Variants in GALNT2 observed in about 807,000 individuals in gnomAD.
GALNT2 encodes the protein polypeptide N-acetylgalactosaminyltransferase 2.
A neutral mutation model predicts 81.4 loss-of-function variants in GALNT2; 31 were observed. That is an observed-to-expected ratio of 0.38 (90% CI 0.29 to 0.51). The LOEUF is 0.51. Among genes scored for constraint, GALNT2 ranks in the 20% least tolerant of loss-of-function variants. GALNT2 has a pLI of 0.87. For synonymous variants in GALNT2, 303 were observed against 287.4 expected, an observed-to-expected ratio of 1.05 and a Z score of -0.55; for missense variants, 629 against 765.7, an observed-to-expected ratio of 0.82 and a Z score of 2.11.
intron 1 of GALNT2, among the ~76,000 whole-genome samples, chr1:230,093,676 C>T (rs750810837): frequency 4.6e-5 from 7 of 152,220 alleles, no homozygotes; most frequent in Non-Finnish European, 7.3e-5. Flanking sequence ...AATGACAGAT[C>T]GAATACCCAA....
At chr1:230,187,103 C>T (rs1255908333) in intron 2 of GALNT2, among the ~76,000 whole-genome samples, 1 of 152,014 alleles carries the variant, frequency 6.6e-6, no homozygotes, top group African/African-American at 2.4e-5. Flanking sequence ...GACAGATGGG[C>T]GGGAAGACAT....
intron 1 of GALNT2, among the ~76,000 whole-genome samples, chr1:230,136,345 T>G (rs1661537675): frequency 6.6e-6 from 1 of 152,188 alleles, no homozygotes; most frequent in South Asian, 2.1e-4. Flanking sequence ...CCAGCCATCC[T>G]CTGATAACCC....
intron 2 of GALNT2, among the ~76,000 whole-genome samples, chr1:230,190,690 A>G (rs1171152434): frequency 6.6e-6 from 1 of 152,134 alleles, no homozygotes; most frequent in African/African-American, 2.4e-5. Context: ...GCAGTTCCCT[A>G]CCATCTGCTT....
intron 10 of GALNT2, 126 bp downstream of exon 10, chr1:230,250,686 A>G (rs1572138190): frequency 3.2e-6 from 2 of 626,966 alleles, no homozygotes; most frequent in East Asian, 5.6e-5. Context: ...CGATCCTTGC[A>G]AACACATATG....
chr1:230,075,565 C>T (rs1398132740), intron 1 of GALNT2, among the ~76,000 whole-genome samples: 1 of 152,200 alleles, frequency 6.6e-6, no homozygotes, highest in Non-Finnish European at 1.5e-5. Context: ...TTCATTTATT[C>T]TTTCAGTGAG....
rs559385746 is a variant in GALNT2, at chr1:230,187,959, C to T, written c.220+9648C>T. 5.4e-5 allele frequency among the ~76,000 whole-genome samples: 6 copies of T among 112,138 alleles called. No homozygotes were observed. In the South Asian group the frequency reaches 9.0e-4, roughly 17 times the overall value. The allele number at this position is 112,138 out of a possible 152,430, so 73.6% of individuals were successfully genotyped here. On this transcript the variant is annotated intron_variant, in intron 2 of 15. Transcript: ENST00000366672. ...GTACAAGATGGAGGGTGGGGCGGGC[C>T]GGGGTGGTTTTGGAAAAGGCAACAT...
intron 14 of GALNT2, among the ~76,000 whole-genome samples, chr1:230,265,792 C>T (rs766783499): frequency 2.6e-5 from 4 of 152,228 alleles, no homozygotes; most frequent in Non-Finnish European, 5.9e-5. Context: ...GGCACTAAGG[C>T]GGCTGCTAGT....
intron 1 of GALNT2, among the ~76,000 whole-genome samples, chr1:230,140,299 T>C (rs942435329): frequency 2.0e-4 from 31 of 152,138 alleles, no homozygotes; most frequent in Admixed American, 7.2e-4. Flanking sequence ...CTGCCAGTAG[T>C]GTGTACACAG....
chr1:230,250,594 G>C, intron 10 of GALNT2, 34 bp downstream of exon 10: 2 of 1,532,798 alleles, frequency 1.3e-6, no homozygotes, highest in Non-Finnish European at 1.8e-6. Flanking sequence ...GGACAGAGAA[G>C]TGCCTCAGCT....
At position 230,275,113 on chromosome 1, in the gene GALNT2, T is replaced by C. The variant is rs538004609; in HGVS notation, c.1560+549T>C. Among the ~76,000 whole-genome samples, 40 of 139,374 alleles carry C rather than the reference T, an allele frequency of 2.9e-4. 1 individual carries two copies. Among genetic ancestry groups the C allele is most frequent in the African/African-American group, 1.3e-3 (40 of 30,532 alleles). 91.4% of individuals were successfully genotyped at this position (139,374 alleles called of 152,430 possible). On this transcript the variant is annotated intron_variant, in intron 15 of 15. Transcript: ENST00000366672. The surrounding 1 kb of genome is among the most constrained non-coding windows in gnomAD (Gnocchi z 5.5). ...TATATACATGTATACACACCACATA[T>C]ATATACATATATATACACACCACAT...
intron 7 of GALNT2, 55 bp from the exon 8 acceptor site, chr1:230,246,008 G>A (rs768508884): frequency 2.1e-6 from 3 of 1,432,422 alleles, no homozygotes; most frequent in Non-Finnish European, 3.0e-6. Flanking sequence ...CTGTGGTTGG[G>A]CAGGTTTTTT....
intron 3 of GALNT2, among the ~76,000 whole-genome samples, chr1:230,232,307 C>G (rs955547899): frequency 4.6e-5 from 7 of 152,012 alleles, no homozygotes; most frequent in African/African-American, 1.7e-4. Flanking sequence ...CAGTTCTCAG[C>G]AAAAATGGAT....
At chr1:230,060,905 C>G (rs1659031247) in intron 1 of GALNT2, among the ~76,000 whole-genome samples, 1 of 152,140 alleles carries the variant, frequency 6.6e-6, no homozygotes, top group African/African-American at 2.4e-5. Flanking sequence ...ATTGTGCTCT[C>G]TCTCTCCTCT....
chr1:230,199,471 A>T (rs1035833073), intron 2 of GALNT2, among the ~76,000 whole-genome samples: 5 of 152,228 alleles, frequency 3.3e-5, no homozygotes, highest in African/African-American at 9.6e-5. Flanking sequence ...TGGTGAAGCC[A>T]GTTTCGAGAG....
In GALNT2 at chr1:230,173,084, C is replaced by T. The variant is rs1662846196; in HGVS notation, c.127-5134C>T. Among the ~76,000 whole-genome samples the T allele has an allele frequency of 3.3e-5, 5 of 152,182 alleles. No homozygotes were observed. In the South Asian group the frequency reaches 1.0e-3, roughly 32 times the overall value. ...GGTTTTAGGATACATAATTTTGAAC[C>T]AGATTAAAATGTCTAATAACAATAA... On this transcript the variant is annotated intron_variant, in intron 1 of 15. Transcript: ENST00000366672.
chr1:230,209,366 A>ACCCCAT (rs1664162895), intron 3 of GALNT2, among the ~76,000 whole-genome samples: 1 of 152,036 alleles, frequency 6.6e-6, no homozygotes, highest in African/African-American at 2.4e-5. Context: ...GCCCTGATCC[A>ACCCCAT]CCTGTCCTAC....
intron 3 of GALNT2, among the ~76,000 whole-genome samples, chr1:230,218,545 G>A (rs530008390): frequency 1.3e-5 from 2 of 152,288 alleles, no homozygotes; most frequent in Non-Finnish European, 2.9e-5. Flanking sequence ...AGTACTAAAC[G>A]AATACTAGCT....
chr1:230,068,074 C>T (rs1659256320), intron 1 of GALNT2, among the ~76,000 whole-genome samples: 1 of 152,224 alleles, frequency 6.6e-6, no homozygotes, highest in East Asian at 1.9e-4. Context: ...CTGCCCAACC[C>T]GGCCCCCGGC....
chr1:230,200,694 C>T (rs1673095269), intron 2 of GALNT2, among the ~76,000 whole-genome samples: 1 of 152,228 alleles, frequency 6.6e-6, no homozygotes, highest in African/African-American at 2.4e-5. Flanking sequence ...TCCTTGCACA[C>T]AGGCCCACAC....
Sources: gnomAD v4.1 joint callset for allele counts (sites outside exome capture counted in the v4.1 genomes callset) on GRCh38, gnomAD v4.1.1 for gene constraint, Gnocchi (gnomAD v3.1) non-coding constraint, MANE v1.5 for transcripts, NCBI Gene and HGNC (gene_info 2026-07-23, HGNC 2026-07-21) for gene names.